BRINP1: variants seen among roughly 807,000 people sequenced by gnomAD.
BRINP1 encodes the protein BMP/retinoic acid inducible neural specific 1, also known as BMP/retinoic acid-inducible neural-specific protein 1.
In BRINP1, 17 loss-of-function variants were observed where a neutral mutation model predicts 72.9. The observed-to-expected ratio is 0.23, with a 90% CI of 0.16 to 0.35. The LOEUF (loss-of-function observed/expected upper bound fraction) is 0.35. Among genes scored for constraint, BRINP1 ranks in the 10% least tolerant of loss-of-function variants. The pLI, the probability that BRINP1 is intolerant of heterozygous loss-of-function variation, is 1.00. For synonymous variants in BRINP1, 418 were observed against 378.5 expected (o/e 1.10, Z -1.21); for missense variants, 850 against 1,001.6 (o/e 0.85, Z 2.04).
chr9:119,266,879 GA>G (rs1417137113), intron 2 of BRINP1, among the ~76,000 whole-genome samples: 1 of 152,234 alleles, frequency 6.6e-6, no homozygotes, highest in East Asian at 1.9e-4. Flanking sequence ...TGTATTAAGT[GA>G]GATGAAAAGC....
intron 1 of BRINP1, among the ~76,000 whole-genome samples, chr9:119,337,456 T>C (rs1188060375): frequency 6.6e-6 from 1 of 152,212 alleles, no homozygotes; most frequent in South Asian, 2.1e-4. Flanking sequence ...ATTTAAAGCA[T>C]TGACCAATGT....
chr9:119,275,135 T>G (rs1337563675), intron 2 of BRINP1, among the ~76,000 whole-genome samples: 5 of 152,190 alleles, frequency 3.3e-5, no homozygotes, highest in Non-Finnish European at 5.9e-5. Flanking sequence ...TTGAGTTACT[T>G]GATTCCCAGT....
At chr9:119,170,942 G>A (rs1369091589) in intron 7 of BRINP1, among the ~76,000 whole-genome samples, 1 of 141,876 alleles carries the variant, frequency 7.0e-6, no homozygotes, top group African/African-American at 2.8e-5. Flanking sequence ...GAGAGATTTT[G>A]TCACCACCAG....
intron 7 of BRINP1, among the ~76,000 whole-genome samples, chr9:119,169,008 T>C (rs190240843): frequency 9.2e-5 from 14 of 152,308 alleles, no homozygotes; most frequent in African/African-American, 3.4e-4. Context: ...TTATAAATCA[T>C]TCTACTATAA....
intron 3 of BRINP1, among the ~76,000 whole-genome samples, chr9:119,242,983 T>C (rs867728176): frequency 0.011 from 1,616 of 151,844 alleles, 17 homozygotes; most frequent in Middle Eastern, 0.021. Context: ...TTTTTTCTTT[T>C]TTTTTTTTTC....
At position 119,181,342 on chromosome 9, in the gene BRINP1, C is replaced by T. The variant is rs890507731; in HGVS notation, c.1146-13118G>A. Among the ~76,000 whole-genome samples the T allele has an allele frequency of 2.2e-4, 34 of 152,108 alleles. 1 individual carries two copies. The highest frequency in any genetic ancestry group is 9.7e-5 in the African/African-American group (4 of 41,430). ...GATCTATGATCTTGGCAGTGAGAAG[C>T]GGTGATCACAGGTGAGAGAGTAAGT... is the stretch of plus-strand genomic sequence containing the variant. On this transcript the variant is annotated intron_variant, in intron 7 of 7. Transcript: ENST00000265922.
intron 7 of BRINP1, among the ~76,000 whole-genome samples, chr9:119,184,822 C>T (rs1351854469): frequency 6.6e-6 from 1 of 152,126 alleles, no homozygotes; most frequent in East Asian, 1.9e-4. Flanking sequence ...GAGGAAGAAG[C>T]CTGCACACTT....
At chr9:119,327,037 G>A (rs1587961856) in intron 1 of BRINP1, among the ~76,000 whole-genome samples, 1 of 152,178 alleles carries the variant, frequency 6.6e-6, no homozygotes, top group African/African-American at 2.4e-5. Context: ...GCTGCAGTGG[G>A]AATTTTGAGG....
chr9:119,252,122 G>A (rs1223836702), intron 2 of BRINP1, among the ~76,000 whole-genome samples: 1 of 152,176 alleles, frequency 6.6e-6, no homozygotes, highest in Non-Finnish European at 1.5e-5. Context: ...CTGCCATGCT[G>A]TGAGATGCTC....
chr9:119,233,822 C>T (rs1207725450), intron 5 of BRINP1, among the ~76,000 whole-genome samples: 4 of 152,158 alleles, frequency 2.6e-5, no homozygotes, highest in Non-Finnish European at 5.9e-5. Flanking sequence ...TAAAGGTTAA[C>T]ACTCTCTGGA....
At chr9:119,311,993 C>A (rs1587956817) in intron 2 of BRINP1, among the ~76,000 whole-genome samples, 2 of 152,278 alleles carry the variant, frequency 1.3e-5, no homozygotes, top group Admixed American at 1.3e-4. Context: ...GAAGACACTG[C>A]CCATCTCATA....
At chr9:119,190,974 G>A (rs1165906424) in intron 7 of BRINP1, among the ~76,000 whole-genome samples, 1 of 152,002 alleles carries the variant, frequency 6.6e-6, no homozygotes, top group Non-Finnish European at 1.5e-5. Context: ...CGCAAGGCTG[G>A]TTTAATATAT....
chr9:119,297,179 A>G (rs1830890097), intron 2 of BRINP1, among the ~76,000 whole-genome samples: 1 of 152,180 alleles, frequency 6.6e-6, no homozygotes, highest in African/African-American at 2.4e-5. Context: ...CTTCAATAAA[A>G]CTTAAAAAGA....
chr9:119,238,681 C>T lies in BRINP1; in HGVS notation c.659G>A (p.Ser220Asn), dbSNP rs1485857016. Residue 220 changes from serine to asparagine, a missense_variant, in exon 5 of 8, where the codon AGC (serine) becomes AAC (asparagine). Ser to Asn is a conservative substitution (Grantham distance 46, BLOSUM62 1). Transcript: ENST00000265922. ...LDSVSSVLLQ[S>N]TESKLHLQGL... ...TTGAAGGTGCAGTTTGCTCTCCGTG[C>T]TTTGCAGAAGGACGGAACTCACAGA... The T allele has an allele frequency of 6.2e-7, 1 of 1,611,478 alleles. No individual in the cohort carries two copies.
chr9:119,313,070 C>A, intron 2 of BRINP1, 68 bp downstream of exon 2: 3 of 1,525,194 alleles, frequency 2.0e-6, no homozygotes, highest in East Asian at 2.4e-5. Context: ...AGGTTTGCAC[C>A]AATCAACGCC....
At chr9:119,300,445 T>C (rs973742441) in intron 2 of BRINP1, among the ~76,000 whole-genome samples, 1 of 152,204 alleles carries the variant, frequency 6.6e-6, no homozygotes, top group Non-Finnish European at 1.5e-5. Flanking sequence ...GTGATTACTA[T>C]GCATTGCATA....
intron 2 of BRINP1, among the ~76,000 whole-genome samples, chr9:119,309,018 C>T (rs1165327856): frequency 6.6e-6 from 1 of 150,854 alleles, no homozygotes. Flanking sequence ...ATTGGAAACA[C>T]AGGAAAAATC....
At chr9:119,358,334 G>T (rs574590368) in intron 1 of BRINP1, among the ~76,000 whole-genome samples, 1 of 149,992 alleles carries the variant, frequency 6.7e-6, no homozygotes, top group Non-Finnish European at 1.5e-5. Flanking sequence ...ACAAGGCGAA[G>T]GTTCTAAAAC....
intron 2 of BRINP1, among the ~76,000 whole-genome samples, chr9:119,254,629 G>A (rs908086620): frequency 6.6e-6 from 1 of 152,144 alleles, no homozygotes; most frequent in Non-Finnish European, 1.5e-5. Context: ...TAAGTAACAA[G>A]AAAAGTCAAA....
Sources: allele counts gnomAD v4.1 joint callset (sites outside exome capture counted in the v4.1 genomes callset), GRCh38; gene constraint gnomAD v4.1.1; transcripts MANE v1.5; gene names NCBI Gene and HGNC (gene_info 2026-07-23, HGNC 2026-07-21).